The following NAV2 variants were observed in gnomAD, a reference collection of about 807,000 sequenced individuals.
NAV2 encodes the protein neuron navigator 2.
NAV2 carries 54 observed loss-of-function variants against 223.2 expected under a neutral mutation model. The ratio of observed to expected loss-of-function variants is 0.24; its 90% confidence interval spans 0.19 to 0.30. NAV2 has a LOEUF of 0.30. Ranked by LOEUF, NAV2 falls within the 10% of genes least tolerant of loss-of-function variation. The pLI, the probability that NAV2 is intolerant of heterozygous loss-of-function variation, is 1.00. For synonymous variants in NAV2, 1,279 were observed against 1,239.3 expected (o/e 1.03, Z -0.67); for missense variants, 2,806 against 3,147.5 (o/e 0.89, Z 2.60).
chr11:19,713,704 C>T lies in NAV2; in HGVS notation c.9C>T (p.Ala3=). 1 of 1,566,476 alleles carries T rather than the reference C, an allele frequency of 6.4e-7. No homozygotes were observed. The highest frequency in any genetic ancestry group is 8.7e-7 in the Non-Finnish European group (1 of 1,152,510). Residue 3 remains alanine, a synonymous_variant, in exon 1 of 38, where the codon GCC becomes GCT. Coordinates refer to ENST00000349880, the MANE Select transcript of NAV2 (RefSeq NM_145117.5). This position sits in a 1 kb window ranked among gnomAD's most constrained non-coding sequence, Gnocchi z 7.2. MP[A]ILVASKMKSG... ...CCAAGCCCCGGGAGAAGATGCCGGC[C>T]ATCCTGGTCGCCTCCAAAATGAAGT...
Position 19,352,053 on chromosome 11 carries a change from A to C in NAV2, c.75+1026A>C, listed in dbSNP as rs73428631. On this transcript the variant is annotated intron_variant, in intron 1 of 37. Transcript: ENST00000360655. Reference sequence around the variant, plus strand: ...CATTTTCTCTGACTTTCCAAGGATAAAAATAATCAAAAATAAACATTTTAT... The same window carrying C: ...CATTTTCTCTGACTTTCCAAGGATACAAATAATCAAAAATAAACATTTTAT... Among the ~76,000 whole-genome samples, 1,470 of 152,028 alleles carry C rather than the reference A, an allele frequency of 9.7e-3. 33 individuals are homozygous for C. The highest frequency in any genetic ancestry group is 0.033 in the African/African-American group (1,385 of 41,456).
intron 3 of NAV2, among the ~76,000 whole-genome samples, chr11:19,857,529 T>A (rs1565438207): frequency 1.3e-5 from 2 of 152,142 alleles, no homozygotes; most frequent in Non-Finnish European, 2.9e-5. Context: ...GAGTAGATGC[T>A]CAATCTGTAT....
intron 1 of NAV2, among the ~76,000 whole-genome samples, chr11:19,615,816 C>T (rs750056707): frequency 1.2e-4 from 18 of 152,168 alleles, no homozygotes; most frequent in Non-Finnish European, 5.9e-5. Flanking sequence ...TCTCATTACA[C>T]TGAATCTTAG....
chr11:19,597,752 TG>T (rs1206410907), intron 1 of NAV2, among the ~76,000 whole-genome samples: 2 of 152,212 alleles, frequency 1.3e-5, no homozygotes, highest in African/African-American at 2.4e-5. Flanking sequence ...TCTAAACAAG[TG>T]GGCATTTTTA....
intron 28 of NAV2, 114 bp from the exon 29 acceptor site, chr11:20,092,985 C>CCCCCCCCCCCCCCCCCCCT: frequency 2.8e-6 from 1 of 363,266 alleles, no homozygotes; most frequent in South Asian, 3.0e-5. Context: ...CCCCCCACCC[C>CCCCCCCCCCCCCCCCCCCT]CTGCACCCTG....
chr11:19,385,521 T>C (rs902873234), intron 1 of NAV2, among the ~76,000 whole-genome samples: 4 of 152,198 alleles, frequency 2.6e-5, no homozygotes, highest in African/African-American at 9.6e-5. Context: ...ACCTGACAAC[T>C]GCAAAAAATG....
In NAV2 at chr11:20,015,644, G is replaced by T. The variant is rs556175396; in HGVS notation, c.2769-20315G>T. Among the ~76,000 whole-genome samples, 52 of 152,246 alleles carry T rather than the reference G, an allele frequency of 3.4e-4. 2 individuals carry two copies. Among genetic ancestry groups the T allele is most frequent in the Middle Eastern group, 6.8e-3 (2 of 294 alleles). ...ATACACCCAATTATAAGCTCCACGA[G>T]GGGGTAGAGAGAGACATCTTCTCTT... On this transcript the variant is annotated intron_variant, in intron 11 of 37. Transcript: ENST00000349880.
At chr11:19,954,423 T>C (rs991815996) in intron 10 of NAV2, among the ~76,000 whole-genome samples, 4 of 152,150 alleles carry the variant, frequency 2.6e-5, no homozygotes, top group African/African-American at 9.7e-5. Context: ...AAGTCATCCC[T>C]CAGTATCCAT....
chr11:19,848,889 C>A (rs2010079), intron 3 of NAV2, among the ~76,000 whole-genome samples: 1 of 152,194 alleles, frequency 6.6e-6, no homozygotes, highest in South Asian at 2.1e-4. Context: ...TGAGAGATCT[C>A]ATGTCACAGA....
chr11:19,432,361 C>T (rs1851068029), intron 1 of NAV2, among the ~76,000 whole-genome samples: 1 of 152,172 alleles, frequency 6.6e-6, no homozygotes, highest in African/African-American at 2.4e-5. Context: ...TTTGAACTAA[C>T]CCATAGGCTG....
chr11:20,004,450 G>A (rs954054912), intron 11 of NAV2, among the ~76,000 whole-genome samples: 1 of 152,098 alleles, frequency 6.6e-6, no homozygotes, highest in Non-Finnish European at 1.5e-5. Flanking sequence ...AGCACCCCTA[G>A]GAACCCAGGG....
At chr11:19,514,454 A>G (rs2043378554) in intron 1 of NAV2, among the ~76,000 whole-genome samples, 1 of 151,900 alleles carries the variant, frequency 6.6e-6, no homozygotes, top group African/African-American at 2.4e-5. Context: ...CCTCAACCCA[A>G]TTCTCCCCTT....
intron 11 of NAV2, among the ~76,000 whole-genome samples, chr11:20,017,867 T>A (rs1420151787): frequency 6.6e-6 from 1 of 152,226 alleles, no homozygotes; most frequent in Non-Finnish European, 1.5e-5. Flanking sequence ...GTCACATCTT[T>A]TAATGTGTCC....
rs983463914 is a variant in NAV2, at chr11:20,097,234, C to G, written c.6013-343C>G. Among the ~76,000 whole-genome samples the G allele has an allele frequency of 2.0e-5, 3 of 152,128 alleles. 1 individual carries two copies. On this transcript the variant is annotated intron_variant, in intron 30 of 37. Transcript: ENST00000349880. ...TACTTTTTCGTGAATTTTCCAGCAC[C>G]ATTCACAGGCCCTGATGTCTTCAAG...
intron 7 of NAV2, among the ~76,000 whole-genome samples, chr11:19,935,402 A>G (rs10833198): frequency 0.39 from 59,356 of 152,166 alleles, 14,177 homozygotes; most frequent in Non-Finnish European, 0.54. Context: ...CATGGACACA[A>G]GTATACATTC....
chr11:19,588,709 TTAGAAA>T (rs1458052174), intron 1 of NAV2, among the ~76,000 whole-genome samples: 2 of 152,172 alleles, frequency 1.3e-5, no homozygotes, highest in African/African-American at 4.8e-5. Context: ...GAAAATTCTC[TTAGAAA>T]TAAAGAATTT....
At chr11:19,446,136 A>G (rs1851574039) in intron 1 of NAV2, among the ~76,000 whole-genome samples, 1 of 152,192 alleles carries the variant, frequency 6.6e-6, no homozygotes, top group Admixed American at 6.5e-5. Flanking sequence ...CACAAGAAAA[A>G]CAACGATTTG....
At chr11:19,638,742 G>C (rs190989659) in intron 1 of NAV2, among the ~76,000 whole-genome samples, 1 of 152,200 alleles carries the variant, frequency 6.6e-6, no homozygotes, top group African/African-American at 2.4e-5. Flanking sequence ...GAAGCAGAGA[G>C]AATACACTTT....
chr11:19,781,599 C>T (rs2056751462), intron 1 of NAV2, among the ~76,000 whole-genome samples: 1 of 152,140 alleles, frequency 6.6e-6, no homozygotes, highest in African/African-American at 2.4e-5. Flanking sequence ...GGCCTGTCCA[C>T]AGCCAGGCTA....
Sources: allele counts gnomAD v4.1 joint callset (sites outside exome capture counted in the v4.1 genomes callset), GRCh38; gene constraint gnomAD v4.1.1; non-coding constraint Gnocchi (gnomAD v3.1); transcripts MANE v1.5; gene names NCBI Gene and HGNC (gene_info 2026-07-23, HGNC 2026-07-21).